TEK: variants seen among roughly 807,000 people sequenced by gnomAD.
TEK encodes the protein angiopoietin-1 receptor.
A neutral mutation model predicts 131.8 loss-of-function variants in TEK; 43 were observed. The observed-to-expected ratio is 0.33, with a 90% CI of 0.26 to 0.42. The LOEUF is 0.42. Ranked by LOEUF, TEK falls within the 10% of genes least tolerant of loss-of-function variation. TEK has a pLI of 1.00. For synonymous variants in TEK, 580 were observed against 491.6 expected, an observed-to-expected ratio of 1.18 and a Z score of -2.38; for missense variants, 1,162 against 1,384.4, an observed-to-expected ratio of 0.84 and a Z score of 2.55.
chr9:27,109,408 CT>C lies in TEK; in HGVS notation c.-182del. On this transcript the variant is annotated 5_prime_UTR_variant, in exon 1 of 23. Coordinates refer to ENST00000380036, the MANE Select transcript of TEK (RefSeq NM_000459.5). ...ACAGGAAAAAGGAACTTAAAACTCC[CT>C]GTGCTCAGACAGAAATGAGACTGTT... 1 of 702,614 alleles carries C rather than the reference CT, an allele frequency of 1.4e-6. No individual in the cohort carries two copies. Among genetic ancestry groups the C allele is most frequent in the Non-Finnish European group, 2.6e-6 (1 of 391,420 alleles). 43.5% of individuals were successfully genotyped at this position (702,614 alleles called of 1,614,324 possible). A position where few individuals can be genotyped will look rare whatever the true frequency, so the allele number is the denominator to read the frequency against.
chr9:27,226,456 A>C (rs1587059962), intron 21 of TEK, among the ~76,000 whole-genome samples: 2 of 151,280 alleles, frequency 1.3e-5, no homozygotes, highest in Non-Finnish European at 3.0e-5. Flanking sequence ...CTGGAAACCA[A>C]CATTCTCAGG....
rs10967732 is a variant in TEK, at chr9:27,143,314, T to C, written c.53-14517T>C. 4.5e-4 allele frequency among the ~76,000 whole-genome samples: 68 copies of C among 152,278 alleles called. No individual in the cohort carries two copies. In the East Asian group the frequency reaches 0.013, roughly 29 times the overall value. The stretch of plus-strand genomic sequence containing the variant: ...GGGAAAATAAATAGCCTGACCACAC[T>C]GTCCTTCCACCCTTGTATGTCCTGC... On this transcript the variant is annotated intron_variant, in intron 1 of 22. Coordinates refer to ENST00000380036, the MANE Select transcript of TEK (RefSeq NM_000459.5).
chr9:27,227,272 G>A (rs1267763624), intron 21 of TEK, among the ~76,000 whole-genome samples: 1 of 152,130 alleles, frequency 6.6e-6, no homozygotes, highest in African/African-American at 2.4e-5. Context: ...TTTAATAACA[G>A]AGTAGTTCTG....
intron 1 of TEK, among the ~76,000 whole-genome samples, chr9:27,153,482 T>C (rs564621096): frequency 7.9e-5 from 12 of 152,248 alleles, no homozygotes; most frequent in Non-Finnish European, 4.4e-5. Flanking sequence ...AGATCTTTGT[T>C]AAGGAAAAAT....
chr9:27,150,232 C>G (rs1823073711), intron 1 of TEK, among the ~76,000 whole-genome samples: 1 of 152,190 alleles, frequency 6.6e-6, no homozygotes, highest in African/African-American at 2.4e-5. Flanking sequence ...GAAATCAGCA[C>G]TTGAGGGCTG....
chr9:27,165,021 G>A (rs568721083), intron 2 of TEK, among the ~76,000 whole-genome samples: 1 of 152,280 alleles, frequency 6.6e-6, no homozygotes, highest in East Asian at 1.9e-4. Context: ...GATTTCCTTC[G>A]TTAGTACTCA....
chr9:27,137,720 G>A (rs909412295), intron 1 of TEK, among the ~76,000 whole-genome samples: 42 of 152,162 alleles, frequency 2.8e-4, no homozygotes, highest in African/African-American at 9.9e-4. Context: ...GTTACAAAGA[G>A]ATCCCAGAGG....
intron 1 of TEK, among the ~76,000 whole-genome samples, chr9:27,126,860 A>G (rs1421062320): frequency 1.3e-5 from 2 of 152,164 alleles, no homozygotes; most frequent in Non-Finnish European, 2.9e-5. Flanking sequence ...ATTTGACTGG[A>G]TTCCCCGAAG....
In TEK at chr9:27,204,948, A is replaced by G. The variant is rs1350083768; in HGVS notation, c.2247A>G (p.Ile749Met). ...ADLGGGKMLL[I>M]AILGSAGMTC... is the part of the protein sequence containing the mutation. The stretch of plus-strand genomic sequence containing the variant: ...TCGGAGGGGGGAAGATGCTGCTTAT[A>G]GCCATCCTTGGCTCTGCTGGAATGA... Residue 749 changes from isoleucine (I) to methionine (M), a missense_variant, in exon 14 of 23, where the codon ATA becomes ATG. By Grantham distance (10) the Ile-to-Met change is conservative. This residue lies in a region of TEK where 477 missense variants were observed against 471.0 expected (regional missense o/e 1.01). Coordinates refer to ENST00000380036, the MANE Select transcript of TEK (RefSeq NM_000459.5). 9 of 1,613,936 alleles carry G rather than the reference A, an allele frequency of 5.6e-6. No homozygotes were observed. The highest frequency in any genetic ancestry group is 7.6e-6 in the Non-Finnish European group (9 of 1,179,940).
At chr9:27,203,202 G>C (rs952845437) in intron 13 of TEK, 83 bp downstream of exon 13, 8 of 1,478,230 alleles carry the variant, frequency 5.4e-6, no homozygotes, top group Non-Finnish European at 7.5e-6. Context: ...CCTGTGAGAT[G>C]AAAGCCTATG....
Position 27,161,340 on chromosome 9 carries a change from A to G in TEK, c.364+3198A>G, listed in dbSNP as rs578000946. On this transcript the variant is annotated intron_variant, in intron 2 of 22. Transcript: ENST00000380036. ...AAGTTATTTAACTTCTATTGGTCTC[A>G]TTTATCATCATCTGTGAAATGGGTA... Among the ~76,000 whole-genome samples, 6 of 152,362 alleles carry G rather than the reference A, an allele frequency of 3.9e-5. No individual in the cohort carries two copies. In the East Asian group the frequency reaches 9.6e-4, roughly 24 times the overall value.
intron 4 of TEK, 36 bp downstream of exon 4, chr9:27,169,665 A>C (rs1393994482): frequency 1.2e-6 from 2 of 1,613,264 alleles, no homozygotes; most frequent in Non-Finnish European, 1.7e-6. Context: ...GTGATGGTGT[A>C]GTTGTTAGGT....
In TEK at chr9:27,190,706, G is replaced by C; in HGVS notation, c.1489+16G>C. 1 of 1,613,778 alleles carries C rather than the reference G, an allele frequency of 6.2e-7. No homozygotes were observed. The highest frequency in any genetic ancestry group is 8.5e-7 in the Non-Finnish European group (1 of 1,179,762). On this transcript the variant is annotated intron_variant, in intron 10 of 22. Transcript: ENST00000380036. ...CATATTCAAGGTAAGCTTTGGACAG[G>C]ATAGATGCCAGCTGGGGATGTGGCA...
chr9:27,228,201 C>T lies in TEK; in HGVS notation c.3201-5C>T, dbSNP rs754434708. 55 of 1,610,604 alleles carry T rather than the reference C, an allele frequency of 3.4e-5. No individual in the cohort carries two copies. Among genetic ancestry groups the T allele is most frequent in the East Asian group, 6.7e-5 (3 of 44,838 alleles). ...AATTAACCCTTTAATTCTTTGCTTT[C>T]GAAGGTATGATCTAATGAGACAATG... On this transcript the variant is annotated splice_region_variant and splice_polypyrimidine_tract_variant and intron_variant, in intron 21 of 22. Transcript: ENST00000380036.
At chr9:27,223,892 ACAAT>A (rs1826192448) in intron 21 of TEK, among the ~76,000 whole-genome samples, 1 of 152,210 alleles carries the variant, frequency 6.6e-6, no homozygotes, top group Non-Finnish European at 1.5e-5. Flanking sequence ...AAGAGAGAGA[ACAAT>A]CAAATAGATG....
chr9:27,121,687 A>G (rs937788816), intron 1 of TEK, among the ~76,000 whole-genome samples: 5 of 152,026 alleles, frequency 3.3e-5, no homozygotes, highest in African/African-American at 1.2e-4. Context: ...AGGATAAGAA[A>G]AAAAGTTAAT....
At chr9:27,166,123 G>C (rs1823722398) in intron 2 of TEK, among the ~76,000 whole-genome samples, 1 of 152,236 alleles carries the variant, frequency 6.6e-6, no homozygotes, top group African/African-American at 2.4e-5. Context: ...TGATCCCAAG[G>C]CTTGGTCCTG....
chr9:27,217,823 G>T, intron 19 of TEK, 65 bp downstream of exon 19: 1 of 1,431,542 alleles, frequency 7.0e-7, no homozygotes, highest in Non-Finnish European at 9.8e-7. Flanking sequence ...ATTTGACAGA[G>T]GTTTTAAAAA....
chr9:27,211,070 C>T (rs942065807), intron 16 of TEK, among the ~76,000 whole-genome samples: 3 of 150,858 alleles, frequency 2.0e-5, no homozygotes, highest in Admixed American at 1.3e-4. Context: ...TGCAGTGAGC[C>T]GAGATCGCAC....
Sources: gnomAD v4.1 joint callset for allele counts (sites outside exome capture counted in the v4.1 genomes callset) on GRCh38, gnomAD v4.1.1 for gene constraint, gnomAD v4.1.1 regional missense constraint, MANE v1.5 for transcripts, NCBI Gene and HGNC (gene_info 2026-07-23, HGNC 2026-07-21) for gene names.